SCN3B: variants seen among roughly 807,000 people sequenced by gnomAD.
SCN3B encodes sodium channel regulatory subunit beta-3.
A neutral mutation model predicts 25.4 loss-of-function variants in SCN3B; 11 were observed. The observed-to-expected ratio is 0.43, with a 90% confidence interval of 0.27 to 0.72. The LOEUF (loss-of-function observed/expected upper bound fraction) is 0.72, where lower values mean the gene tolerates loss of function less well. Among genes scored for constraint, SCN3B ranks in the 30% least tolerant of loss-of-function variants. The pLI, the probability that SCN3B is intolerant of heterozygous loss-of-function variation, is 0.18. For synonymous variants in SCN3B, 109 were observed against 110.7 expected, an observed-to-expected ratio of 0.99 and a Z score of 0.09; for missense variants, 218 against 278.3, an observed-to-expected ratio of 0.78 and a Z score of 1.54.
Position 123,642,287 on chromosome 11 carries a change from CAGA to C in SCN3B, c.445+156_445+158del, listed in dbSNP as rs1215916584. Among the ~76,000 whole-genome samples the C allele has an allele frequency of 6.6e-6, 1 of 152,166 alleles. No homozygotes were observed. The highest frequency in any genetic ancestry group is 1.5e-5 in the Non-Finnish European group (1 of 68,030). Reference sequence around the variant, plus strand: ...AGGGAATTTACAGGAAGCTGGCCACCAGAAGAAGATGGGTCAATGGTGACATTT... The same window carrying C: ...AGGGAATTTACAGGAAGCTGGCCACCAGAAGATGGGTCAATGGTGACATTT... On this transcript the variant is annotated intron_variant, in intron 4 of 6. Transcript: ENST00000299333. The surrounding 1 kb of genome is among the most constrained non-coding windows in gnomAD (Gnocchi z 4.3).
chr11:123,642,722 G>C lies in SCN3B; in HGVS notation c.220-51C>G, dbSNP rs760736732. ...TAGGGCCAGGAAAGGAGATGGCAGT[G>C]GGGGGAAGCCGAGTTAGGGACAGGG... On this transcript the variant is annotated intron_variant, in intron 3 of 6. Transcript: ENST00000299333. The surrounding 1 kb of genome is among the most constrained non-coding windows in gnomAD (Gnocchi z 4.3). 9 of 1,430,450 alleles carry C rather than the reference G, an allele frequency of 6.3e-6. No homozygotes were observed. In the South Asian group the frequency reaches 6.9e-5, roughly 11 times the overall value. 88.6% of individuals were successfully genotyped at this position (1,430,450 alleles called of 1,614,324 possible).
chr11:123,642,444 A>G lies in SCN3B; in HGVS notation c.445+2T>C. On this transcript the variant is annotated splice_donor_variant, in intron 4 of 6. Coordinates refer to ENST00000299333, the MANE Select transcript of SCN3B (RefSeq NM_001040151.2). LOFTEE classifies it high-confidence loss of function. The surrounding 1 kb of genome is among the most constrained non-coding windows in gnomAD (Gnocchi z 4.3). ...CCTAGAGACCCTGTGCCTCAGCCTC[A>G]CCCTCCTCGGTGACTCTTAGGGGGA... 2.5e-6 allele frequency: 4 copies of G among 1,613,738 alleles called. No homozygotes were observed. The highest frequency in any genetic ancestry group is 3.4e-6 in the Non-Finnish European group (4 of 1,179,922).
At chr11:123,641,056 A>C (rs993786818) in intron 4 of SCN3B, 1 of 152,298 alleles carries the variant, frequency 6.6e-6, no homozygotes, top group East Asian at 1.9e-4. Flanking sequence ...CAAAAGCCCG[A>C]GAGAGCAGAG....
chr11:123,645,382 A>AG (rs1036942767), intron 3 of SCN3B, among the ~76,000 whole-genome samples: 5 of 152,152 alleles, frequency 3.3e-5, no homozygotes, highest in Non-Finnish European at 5.9e-5. Context: ...CCCATAATCA[A>AG]GGGTGCTTGC....
At chr11:123,653,905 C>G (rs1955962050) in intron 1 of SCN3B, 79 bp from the exon 2 acceptor site, 1 of 1,338,742 alleles carries the variant, frequency 7.5e-7, no homozygotes, top group Non-Finnish European at 1.1e-6. Flanking sequence ...CGAACTGCCC[C>G]CAGGGGGCGA....
At chr11:123,653,903 C>T (rs906118180) in intron 1 of SCN3B, 77 bp from the exon 2 acceptor site, 66 of 1,345,928 alleles carry the variant, frequency 4.9e-5, no homozygotes, top group Admixed American at 4.4e-4. Flanking sequence ...GACGAACTGC[C>T]CCCAGGGGGC....
intron 5 of SCN3B, among the ~76,000 whole-genome samples, chr11:123,636,461 C>T (rs575230753): frequency 6.6e-6 from 1 of 152,210 alleles, no homozygotes; most frequent in Non-Finnish European, 1.5e-5. Context: ...GAGAGGCAGT[C>T]TCCTTGATAT....
rs1233034699 is a variant in SCN3B, at chr11:123,633,681, T to C, written c.*118A>G. ...ATGAATGAATGAACAGAACAATGGA[T>C]GCATGAAGGGAAGCGATGGGGCCCT... On this transcript the variant is annotated 3_prime_UTR_variant, in exon 7 of 7. Coordinates refer to ENST00000299333, the MANE Select transcript of SCN3B (RefSeq NM_001040151.2). 1 of 274,206 alleles carries C rather than the reference T, an allele frequency of 3.6e-6. No individual in the cohort carries two copies. Among genetic ancestry groups the C allele is most frequent in the Non-Finnish European group, 7.2e-6 (1 of 139,834 alleles). 17.0% of individuals were successfully genotyped at this position (274,206 alleles called of 1,614,324 possible).
chr11:123,634,096 C>T (rs1955699827), intron 6 of SCN3B, 25 bp downstream of exon 6: 2 of 1,566,636 alleles, frequency 1.3e-6, no homozygotes, highest in Non-Finnish European at 8.8e-7. Context: ...CATCTGCCTT[C>T]CCCTCCCATG....
chr11:123,642,721 TG>T lies in SCN3B; in HGVS notation c.220-51del, dbSNP rs1345156130. The T allele has an allele frequency of 1.4e-6, 2 of 1,448,632 alleles. No homozygotes were observed. The highest frequency in any genetic ancestry group is 1.9e-6 in the Non-Finnish European group (2 of 1,035,968). 89.7% of individuals were successfully genotyped at this position (1,448,632 alleles called of 1,614,324 possible). A position where few individuals can be genotyped will look rare whatever the true frequency, so the allele number is the denominator to read the frequency against. On this transcript the variant is annotated intron_variant, in intron 3 of 6. Coordinates refer to ENST00000299333, the MANE Select transcript of SCN3B (RefSeq NM_001040151.2). The surrounding 1 kb of genome is among the most constrained non-coding windows in gnomAD (Gnocchi z 4.3). ...GTAGGGCCAGGAAAGGAGATGGCAGTGGGGGGAAGCCGAGTTAGGGACAGGG... is the reference window on the plus strand; with the variant it reads ...GTAGGGCCAGGAAAGGAGATGGCAGTGGGGGAAGCCGAGTTAGGGACAGGG...
In SCN3B at chr11:123,645,646, C is replaced by G; in HGVS notation, c.160G>C (p.Val54Leu). Residue 54 changes from valine (V) to leucine (L), a missense_variant, in exon 3 of 7, where the codon GTG becomes CTG. Coordinates refer to ENST00000299333, the MANE Select transcript of SCN3B (RefSeq NM_001040151.2). ...RCISCMKREE[V>L]EATTVVEWFY... The stretch of plus-strand genomic sequence containing the variant: ...CATTCCACCACCGTGGTGGCCTCCA[C>G]CTCCTCTCTCTTCATGCAGGAGATG... 6.2e-7 allele frequency: 1 copy of G among 1,614,210 alleles called. No individual in the cohort carries two copies. Among genetic ancestry groups the G allele is most frequent in the Non-Finnish European group, 8.5e-7 (1 of 1,180,026 alleles).
intron 2 of SCN3B, among the ~76,000 whole-genome samples, chr11:123,649,675 TCC>T (rs1491229469): frequency 6.9e-5 from 10 of 144,126 alleles, no homozygotes; most frequent in African/African-American, 2.0e-4. Context: ...TTTCTTTTTT[TCC>T]TCTCTCTCTC....
intron 5 of SCN3B, among the ~76,000 whole-genome samples, chr11:123,635,221 C>G (rs1286116438): frequency 3.3e-5 from 5 of 152,194 alleles, no homozygotes; most frequent in African/African-American, 1.2e-4. Flanking sequence ...GGAATTTTCC[C>G]TAGACCACTT....
chr11:123,653,714 C>G, intron 2 of SCN3B, 33 bp downstream of exon 2: 8 of 1,611,412 alleles, frequency 5.0e-6, no homozygotes, highest in Non-Finnish European at 5.9e-6. Flanking sequence ...TTACTGTTAC[C>G]TGCATCCGGC....
intron 5 of SCN3B, among the ~76,000 whole-genome samples, chr11:123,634,973 C>T (rs923162071): frequency 2.6e-5 from 4 of 152,168 alleles, no homozygotes; most frequent in African/African-American, 9.7e-5. Flanking sequence ...ACAGCTGATT[C>T]TTTACATATA....
At chr11:123,644,801 ATATATATATATATAT>A (rs1331818349) in intron 3 of SCN3B, among the ~76,000 whole-genome samples, 12 of 23,008 alleles carry the variant, frequency 5.2e-4, no homozygotes, top group South Asian at 1.5e-3. Context: ...GAGAGAGAGA[ATATATATATATATAT>A]ATATATATAT....
chr11:123,653,578 A>G (rs960944569), intron 2 of SCN3B, among the ~76,000 whole-genome samples, 169 bp downstream of exon 2: 1 of 152,110 alleles, frequency 6.6e-6, no homozygotes, highest in African/African-American at 2.4e-5. Context: ...CGCCTTTCCC[A>G]TCTCAAAATC....
intron 4 of SCN3B, among the ~76,000 whole-genome samples, chr11:123,641,359 T>C (rs1282048270): frequency 6.6e-6 from 1 of 152,222 alleles, no homozygotes; most frequent in Non-Finnish European, 1.5e-5. Context: ...TTTAGTCATA[T>C]CGTCTGATCC....
At chr11:123,643,610 C>T (rs1955814603) in intron 3 of SCN3B, among the ~76,000 whole-genome samples, 1 of 152,262 alleles carries the variant, frequency 6.6e-6, no homozygotes, top group Non-Finnish European at 1.5e-5. Context: ...AAGGTTTCCA[C>T]CATCACAAAC....
Sources: allele counts gnomAD v4.1 joint callset (sites outside exome capture counted in the v4.1 genomes callset), GRCh38; gene constraint gnomAD v4.1.1; non-coding constraint Gnocchi (gnomAD v3.1); transcripts MANE v1.5; gene names NCBI Gene and HGNC (gene_info 2026-07-23, HGNC 2026-07-21).